Variants in VPS8 observed in about 807,000 individuals in gnomAD.
VPS8 encodes VPS8 subunit of CORVET complex, also known as vacuolar protein sorting-associated protein 8 homolog.
VPS8 carries 129 observed loss-of-function variants against 216.4 expected under a neutral mutation model. That is an observed-to-expected ratio of 0.60 (90% confidence interval 0.52 to 0.69). The LOEUF is 0.69. Ranked by LOEUF, VPS8 falls within the 30% of genes least tolerant of loss-of-function variation. The pLI is 0.00. For missense variants in VPS8, 1,531 were observed against 1,683.5 expected (o/e 0.91, Z 1.59); for synonymous variants, 571 against 565.4 (o/e 1.01, Z -0.14).
At chr3:185,050,493 C>CAT (rs35196825) in intron 47 of VPS8, among the ~76,000 whole-genome samples, 72,345 of 151,366 alleles carry the variant, frequency 0.48, 17,510 homozygotes, top group East Asian at 0.67. Flanking sequence ...CACATGGACA[C>CAT]GTGAGCTTGT....
At position 184,824,641 on chromosome 3, in the gene VPS8, T is replaced by C; in HGVS notation, c.9T>C (p.Asn3=). Reference sequence around the variant, plus strand: ...TGTTATTAGAAGTAAATATGGAAAATGAACCAGACCATGAAAATGTGGAAC... The same window carrying C: ...TGTTATTAGAAGTAAATATGGAAAACGAACCAGACCATGAAAATGTGGAAC... ME[N]EPDHENVEQS... is the part of the protein sequence containing the mutation. The change falls in exon 2 of 48, where the codon AAT becomes AAC. Residue 3 remains asparagine (N), a synonymous_variant. Coordinates refer to ENST00000625842, the MANE Select transcript of VPS8 (RefSeq NM_001009921.3). 2 of 1,613,254 alleles carry C rather than the reference T, an allele frequency of 1.2e-6. No homozygotes were observed. The highest frequency in any genetic ancestry group is 1.7e-6 in the Non-Finnish European group (2 of 1,179,688).
chr3:184,836,600 T>A (rs749234463), intron 5 of VPS8, among the ~76,000 whole-genome samples: 1 of 152,226 alleles, frequency 6.6e-6, no homozygotes, highest in Non-Finnish European at 1.5e-5. Context: ...AAAACTGCCT[T>A]TCCTGTGACA....
At position 184,868,011 on chromosome 3, in the gene VPS8, CTT is replaced by C; in HGVS notation, c.1471-11_1471-10del. On this transcript the variant is annotated splice_polypyrimidine_tract_variant and intron_variant, in intron 17 of 47. Coordinates refer to ENST00000625842, the MANE Select transcript of VPS8 (RefSeq NM_001009921.3). ...AGGGTGATCATTTTAATTTCCATCT[CTT>C]TACTTTCCAGTCTGTTTATGTGATG... 6.2e-7 allele frequency: 1 copy of C among 1,612,482 alleles called. No homozygotes were observed. Among genetic ancestry groups the C allele is most frequent in the Non-Finnish European group, 8.5e-7 (1 of 1,179,574 alleles).
chr3:184,882,458 G>T, intron 21 of VPS8: 1 of 432,818 alleles, frequency 2.3e-6, no homozygotes, highest in South Asian at 1.7e-5. Flanking sequence ...ATGTAATTGT[G>T]AATTATCATT....
At chr3:184,930,766 T>C (rs1267929460) in intron 34 of VPS8, among the ~76,000 whole-genome samples, 198 bp downstream of exon 34, 1 of 152,230 alleles carries the variant, frequency 6.6e-6, no homozygotes, top group African/African-American at 2.4e-5. Context: ...TCATGACTTC[T>C]GAAACTAGCC....
chr3:184,914,201 C>A (rs1468672696), intron 26 of VPS8, among the ~76,000 whole-genome samples: 1 of 152,142 alleles, frequency 6.6e-6, no homozygotes, highest in Non-Finnish European at 1.5e-5. Flanking sequence ...ACTTTGAAAC[C>A]TGTTTCACAC....
At chr3:185,024,487 TCTTAA>T in intron 46 of VPS8, 98 bp downstream of exon 46, 1 of 1,294,926 alleles carries the variant, frequency 7.7e-7, no homozygotes, top group Non-Finnish European at 1.1e-6. Context: ...TTTTTAATCA[TCTTAA>T]TGCTGTCAAG....
intron 24 of VPS8, 71 bp downstream of exon 24, chr3:184,898,725 C>T (rs1733960910): frequency 2.6e-6 from 3 of 1,164,120 alleles, no homozygotes; most frequent in African/African-American, 1.6e-5. Context: ...TCTCCATTTG[C>T]TTTTAATAGT....
chr3:184,836,756 C>T (rs1216764245), intron 5 of VPS8, among the ~76,000 whole-genome samples: 1 of 152,072 alleles, frequency 6.6e-6, no homozygotes, highest in East Asian at 1.9e-4. Flanking sequence ...TGCCTTCAGC[C>T]ATGTGGTTAG....
At chr3:184,827,683 C>T (rs1294724449) in intron 3 of VPS8, among the ~76,000 whole-genome samples, 1 of 152,294 alleles carries the variant, frequency 6.6e-6, no homozygotes, top group East Asian at 1.9e-4. Flanking sequence ...AAAACTGTTC[C>T]TGCACAACAA....
At chr3:184,970,768 C>T (rs1748271537) in intron 39 of VPS8, among the ~76,000 whole-genome samples, 1 of 152,004 alleles carries the variant, frequency 6.6e-6, no homozygotes, top group African/African-American at 2.4e-5. Flanking sequence ...TTAAGAGAAC[C>T]CTAGTGACAG....
chr3:185,048,134 A>C (rs1418965435), intron 46 of VPS8, among the ~76,000 whole-genome samples: 1 of 152,200 alleles, frequency 6.6e-6, no homozygotes, highest in Non-Finnish European at 1.5e-5. Context: ...GTATGAAGTG[A>C]TGGACATGGG....
chr3:185,030,544 G>C (rs971860772), intron 46 of VPS8, among the ~76,000 whole-genome samples: 4 of 152,200 alleles, frequency 2.6e-5, no homozygotes, highest in African/African-American at 7.2e-5. Flanking sequence ...AGAGTGGAAA[G>C]CCTTTCCAAT....
At chr3:184,853,749 G>A (rs1173881184) in intron 11 of VPS8, 108 bp from the exon 12 acceptor site, 1 of 1,105,388 alleles carries the variant, frequency 9.0e-7, no homozygotes, top group Non-Finnish European at 1.3e-6. Context: ...TGGATTGTTG[G>A]GGGTTAAGGA....
At chr3:184,889,161 CAT>C (rs1201142935) in intron 22 of VPS8, among the ~76,000 whole-genome samples, 2 of 152,178 alleles carry the variant, frequency 1.3e-5, no homozygotes, top group African/African-American at 4.8e-5. Flanking sequence ...CAGCATATAA[CAT>C]AGAAGATAAA....
intron 13 of VPS8, among the ~76,000 whole-genome samples, chr3:184,855,360 C>T (rs944946750): frequency 1.3e-5 from 2 of 152,074 alleles, no homozygotes; most frequent in African/African-American, 4.8e-5. Context: ...AGTATTCTTT[C>T]CCCTAAATAT....
chr3:184,851,667 C>A (rs184889527), intron 10 of VPS8, among the ~76,000 whole-genome samples: 5 of 152,236 alleles, frequency 3.3e-5, no homozygotes, highest in Admixed American at 3.3e-4. Flanking sequence ...GCTGTAAGAG[C>A]AAAGTTGTGG....
chr3:185,036,932 TC>T (rs1340278681), intron 46 of VPS8, among the ~76,000 whole-genome samples: 2 of 152,118 alleles, frequency 1.3e-5, no homozygotes, highest in African/African-American at 2.4e-5. Context: ...ATATTACATT[TC>T]TACATATTAT....
chr3:184,990,582 A>ATCTCATGAGAAAAGTGCC (rs1302529297), intron 42 of VPS8, among the ~76,000 whole-genome samples: 2 of 152,186 alleles, frequency 1.3e-5, no homozygotes, highest in African/African-American at 4.8e-5. Context: ...TACCTCATGT[A>ATCTCATGAGAAAAGTGCC]TCTCATGAGA....
Sources: allele counts gnomAD v4.1 joint callset (sites outside exome capture counted in the v4.1 genomes callset), GRCh38; gene constraint gnomAD v4.1.1; transcripts MANE v1.5; gene names NCBI Gene and HGNC (gene_info 2026-07-23, HGNC 2026-07-21).